Variants in MAML2 observed in about 807,000 individuals in gnomAD.
The protein encoded by MAML2 is mastermind-like protein 2.
A neutral mutation model predicts 96.1 loss-of-function variants in MAML2; 22 were observed. The observed-to-expected ratio is 0.23, with a 90% CI of 0.16 to 0.33. MAML2 has a LOEUF of 0.33. Among genes scored for constraint, MAML2 ranks in the 10% least tolerant of loss-of-function variants. The pLI, the probability that MAML2 is intolerant of heterozygous loss-of-function variation, is 1.00. For missense variants in MAML2, 1,367 were observed against 1,392.4 expected, an observed-to-expected ratio of 0.98 and a Z score of 0.29; for synonymous variants, 561 against 521.3, an observed-to-expected ratio of 1.08 and a Z score of -1.04.
chr11:95,998,899 C>T (rs1207817180), intron 2 of MAML2, among the ~76,000 whole-genome samples: 1 of 152,104 alleles, frequency 6.6e-6, no homozygotes, highest in Non-Finnish European at 1.5e-5. Flanking sequence ...TATGGATGAC[C>T]ATGGGAAGTA....
chr11:95,992,212 G>C (rs1676226038), intron 2 of MAML2, among the ~76,000 whole-genome samples: 1 of 152,162 alleles, frequency 6.6e-6, no homozygotes, highest in Middle Eastern at 3.2e-3. Flanking sequence ...GTGACAGAAA[G>C]GCAGGAAGGC....
chr11:96,169,232 T>C lies in MAML2; in HGVS notation c.514-75715A>G, dbSNP rs140729225. Reference sequence around the variant, plus strand: ...GCTTCAGTTTCCAAATGTCAATCAATAGCAACACAACTGGATTTTTTAAAG... The same window carrying C: ...GCTTCAGTTTCCAAATGTCAATCAACAGCAACACAACTGGATTTTTTAAAG... On this transcript the variant is annotated intron_variant, in intron 1 of 4. Transcript: ENST00000524717. Among the ~76,000 whole-genome samples, 424 of 152,314 alleles carry C rather than the reference T, an allele frequency of 2.8e-3. 1 individual carries two copies. Among genetic ancestry groups the C allele is most frequent in the African/African-American group, 9.6e-3 (397 of 41,560 alleles).
intron 2 of MAML2, among the ~76,000 whole-genome samples, chr11:96,034,456 A>AGAGAGAGAGAGTGTGTGT (rs766634690): frequency 8.3e-5 from 12 of 144,734 alleles, no homozygotes; most frequent in African/African-American, 3.2e-4. Context: ...AGAGAGAGAG[A>AGAGAGAGAGAGTGTGTGT]GTGTGTGTGT....
At chr11:96,335,917 C>T (rs1408238497) in intron 1 of MAML2, among the ~76,000 whole-genome samples, 1 of 152,122 alleles carries the variant, frequency 6.6e-6, no homozygotes, top group East Asian at 1.9e-4. Flanking sequence ...TATTTTCTCC[C>T]TCTTCTCAGG....
At chr11:96,207,242 A>C (rs775859282) in intron 1 of MAML2, among the ~76,000 whole-genome samples, 1 of 152,182 alleles carries the variant, frequency 6.6e-6, no homozygotes, top group Non-Finnish European at 1.5e-5. Flanking sequence ...TGTGCTGCAA[A>C]GGATGTCATT....
Position 95,991,524 on chromosome 11 carries a change from T to C in MAML2, c.2339A>G (p.Asp780Gly). ...QLLLQQQMLA[D>G]AEKIAPQDQI... The stretch of plus-strand genomic sequence containing the variant: ...GAAATTAAGAGAAAGTTTTACCGCG[T>C]CAGCCAGCATCTGCTGCTGGAGAAG... Residue 780 changes from aspartate (D) to glycine (G), a missense_variant, in exon 3 of 5, where the codon GAC becomes GGC. Coordinates refer to ENST00000524717, the MANE Select transcript of MAML2 (RefSeq NM_032427.4). The C allele has an allele frequency of 6.2e-7, 1 of 1,613,648 alleles. No individual in the cohort carries two copies. Among genetic ancestry groups the C allele is most frequent in the East Asian group, 2.2e-5 (1 of 44,884 alleles).
chr11:96,325,145 A>C (rs1006221341), intron 1 of MAML2, among the ~76,000 whole-genome samples: 1 of 151,706 alleles, frequency 6.6e-6, no homozygotes, highest in African/African-American at 2.4e-5. Flanking sequence ...GTGTGGGTGT[A>C]TGTCTGGGAG....
chr11:96,299,649 C>T (rs1322292999), intron 1 of MAML2, among the ~76,000 whole-genome samples: 2 of 152,174 alleles, frequency 1.3e-5, no homozygotes, highest in African/African-American at 2.4e-5. Context: ...ACCCTAGCTC[C>T]GGTGCCTCTG....
chr11:96,048,739 C>T (rs1858946277), intron 2 of MAML2, among the ~76,000 whole-genome samples: 1 of 151,992 alleles, frequency 6.6e-6, no homozygotes, highest in African/African-American at 2.4e-5. Flanking sequence ...CAAGAAAATA[C>T]CCATTTATGG....
At chr11:96,093,566 A>G (rs780149448) in intron 1 of MAML2, 49 bp from the exon 2 acceptor site, 1 of 1,236,484 alleles carries the variant, frequency 8.1e-7, no homozygotes, top group Non-Finnish European at 1.1e-6. Context: ...TATGAATCCA[A>G]TGATGCTTCT....
chr11:96,149,899 C>T (rs1860892760), intron 1 of MAML2, among the ~76,000 whole-genome samples: 1 of 152,036 alleles, frequency 6.6e-6, no homozygotes, highest in Non-Finnish European at 1.5e-5. Context: ...CCTGGCTCTG[C>T]CTGTCTCTCT....
chr11:96,122,977 T>C (rs953606363), intron 1 of MAML2, among the ~76,000 whole-genome samples: 1 of 152,256 alleles, frequency 6.6e-6, no homozygotes, highest in East Asian at 1.9e-4. Flanking sequence ...TTTCAGGGAC[T>C]GTAGTTGACT....
chr11:96,034,456 A>AGAGAGAGAGT lies in MAML2; in HGVS notation c.2140-42734_2140-42733insACTCTCTCTC, dbSNP rs766634690. Reference sequence around the variant, plus strand: ...GTGAGAGAGAGAGAGAGAGAGAGAGAGTGTGTGTGTGTGTGTGTGTCAGAG... The same window carrying AGAGAGAGAGT: ...GTGAGAGAGAGAGAGAGAGAGAGAGAGAGAGAGAGTGTGTGTGTGTGTGTGTGTGTCAGAG... On this transcript the variant is annotated intron_variant, in intron 2 of 4. Transcript: ENST00000524717. 3.1e-3 allele frequency among the ~76,000 whole-genome samples: 446 copies of AGAGAGAGAGT among 144,722 alleles called. 1 individual carries two copies. The highest frequency in any genetic ancestry group is 0.014 in the Middle Eastern group (4 of 280). 94.9% of individuals were successfully genotyped at this position (144,722 alleles called of 152,430 possible).
At chr11:96,297,593 C>CA (rs1591119995) in intron 1 of MAML2, among the ~76,000 whole-genome samples, 1 of 151,826 alleles carries the variant, frequency 6.6e-6, no homozygotes, top group Non-Finnish European at 1.5e-5. Context: ...AAAACAAAAA[C>CA]AAAAAAACAG....
chr11:96,325,549 C>T (rs373897317), intron 1 of MAML2, among the ~76,000 whole-genome samples: 3 of 152,094 alleles, frequency 2.0e-5, no homozygotes, highest in East Asian at 1.9e-4. Context: ...AGGTCATGTA[C>T]ATATATTATT....
rs1864022164 is a variant in MAML2 at position 96,343,035 on chromosome 11, T to C, written c.-1140A>G. 1 of 396,078 alleles carries C rather than the reference T, an allele frequency of 2.5e-6. No individual in the cohort carries two copies. The highest frequency in any genetic ancestry group is 2.1e-5 in the African/African-American group (1 of 48,562). 24.5% of individuals were successfully genotyped at this position (396,078 alleles called of 1,614,324 possible). ...AGCAATCTGGTTCTATCTCCTGTATTTGCTCCGCTTTATAGATGGAAAAAA... is the reference window on the plus strand; with the variant it reads ...AGCAATCTGGTTCTATCTCCTGTATCTGCTCCGCTTTATAGATGGAAAAAA... On this transcript the variant is annotated 5_prime_UTR_variant, in exon 1 of 5. Coordinates refer to ENST00000524717, the MANE Select transcript of MAML2 (RefSeq NM_032427.4).
intron 1 of MAML2, among the ~76,000 whole-genome samples, chr11:96,102,225 G>A (rs1432531939): frequency 2.0e-5 from 3 of 152,146 alleles, no homozygotes; most frequent in Non-Finnish European, 2.9e-5. Context: ...GCAGTGAGCC[G>A]AGATCGCGTC....
intron 1 of MAML2, among the ~76,000 whole-genome samples, chr11:96,261,014 T>C (rs553360709): frequency 5.8e-4 from 89 of 152,246 alleles, no homozygotes; most frequent in African/African-American, 2.0e-3. Context: ...CTGAAACAAC[T>C]TACCATCATT....
chr11:96,114,591 G>A (rs1860201484), intron 1 of MAML2, among the ~76,000 whole-genome samples: 1 of 152,202 alleles, frequency 6.6e-6, no homozygotes, highest in South Asian at 2.1e-4. Context: ...GTGCTGATGG[G>A]AAAGCCCAAA....
Sources: allele counts gnomAD v4.1 joint callset (sites outside exome capture counted in the v4.1 genomes callset), GRCh38; gene constraint gnomAD v4.1.1; transcripts MANE v1.5; gene names NCBI Gene and HGNC (gene_info 2026-07-23, HGNC 2026-07-21).